Variants in PPME1 observed in about 807,000 individuals in gnomAD.
PPME1 encodes the protein protein phosphatase methylesterase 1.
A neutral mutation model predicts 56.9 loss-of-function variants in PPME1; 17 were observed. That is an observed-to-expected ratio of 0.30 (90% CI 0.20 to 0.45). The LOEUF is 0.45. PPME1 is among the 20% of genes least tolerant of loss of function. The pLI, the probability that PPME1 is intolerant of heterozygous loss-of-function variation, is 1.00. For missense variants in PPME1, 357 were observed against 483.2 expected, an observed-to-expected ratio of 0.74 and a Z score of 2.45; for synonymous variants, 122 against 156.2, an observed-to-expected ratio of 0.78 and a Z score of 1.63.
intron 9 of PPME1, among the ~76,000 whole-genome samples, chr11:74,239,717 C>T (rs112222787): frequency 4.6e-5 from 7 of 152,076 alleles, no homozygotes; most frequent in African/African-American, 1.7e-4. Flanking sequence ...GCTGGGACTA[C>T]AGGCGCCCGC....
At chr11:74,210,940 A>G (rs1461038166) in intron 3 of PPME1, among the ~76,000 whole-genome samples, 3 of 152,254 alleles carry the variant, frequency 2.0e-5, no homozygotes, top group Admixed American at 6.5e-5. Context: ...AAAAGTAGCT[A>G]GAACAATTAT....
intron 5 of PPME1, among the ~76,000 whole-genome samples, chr11:74,226,094 A>G (rs2135655325): frequency 6.6e-6 from 1 of 152,126 alleles, no homozygotes; most frequent in East Asian, 1.9e-4. Context: ...TAATATTATT[A>G]TTTTTTCACT....
intron 7 of PPME1, among the ~76,000 whole-genome samples, chr11:74,233,663 A>AT (rs930793423): frequency 2.6e-5 from 4 of 151,978 alleles, no homozygotes; most frequent in African/African-American, 9.7e-5. Flanking sequence ...AAATATATAT[A>AT]TTTTTTTAAT....
At chr11:74,209,450 T>A (rs1219402200) in intron 3 of PPME1, among the ~76,000 whole-genome samples, 1 of 152,150 alleles carries the variant, frequency 6.6e-6, no homozygotes, top group Non-Finnish European at 1.5e-5. Flanking sequence ...ACATCCACAT[T>A]AAGCATATTT....
intron 11 of PPME1, chr11:74,248,428 G>C (rs540595677): frequency 6.6e-6 from 1 of 152,230 alleles, no homozygotes; most frequent in African/African-American, 2.4e-5. Context: ...CTCTCAAACT[G>C]TTCTTTTAGC....
chr11:74,217,190 A>T (rs910482861), intron 3 of PPME1, among the ~76,000 whole-genome samples: 1 of 152,200 alleles, frequency 6.6e-6, no homozygotes, highest in Admixed American at 6.6e-5. Flanking sequence ...TCCCTGATGA[A>T]CATTGATGCA....
rs1390439022 is a variant in PPME1, at chr11:74,222,178, A to G, written c.289-134A>G. 5 of 681,404 alleles carry G rather than the reference A, an allele frequency of 7.3e-6. No individual in the cohort carries two copies. In the East Asian group the frequency reaches 1.4e-4, roughly 19 times the overall value. 42.2% of individuals were successfully genotyped at this position (681,404 alleles called of 1,614,324 possible). ...AAATCATCATTCTTTCATTTTGCTT[A>G]AAACTAGAAAGTCTTTTGATTCTCT... On this transcript the variant is annotated intron_variant, in intron 3 of 13. Transcript: ENST00000328257.
intron 12 of PPME1, chr11:74,251,221 T>G: frequency 7.1e-7 from 1 of 1,409,832 alleles, no homozygotes; most frequent in East Asian, 2.5e-5. Context: ...GAGGAGCTAC[T>G]GACACTCTGC....
intron 5 of PPME1, among the ~76,000 whole-genome samples, chr11:74,228,797 A>G (rs1476235598): frequency 6.6e-6 from 1 of 152,206 alleles, no homozygotes; most frequent in Non-Finnish European, 1.5e-5. Context: ...TTAGAGCACA[A>G]CTGAAAAAGA....
chr11:74,188,081 A>G (rs552926139), intron 1 of PPME1, among the ~76,000 whole-genome samples: 3 of 152,264 alleles, frequency 2.0e-5, no homozygotes, highest in Admixed American at 6.5e-5. Flanking sequence ...AGACCTCTCA[A>G]TCTGGGCACT....
chr11:74,202,611 C>T (rs1453335390), intron 1 of PPME1, among the ~76,000 whole-genome samples: 3 of 152,082 alleles, frequency 2.0e-5, no homozygotes, highest in African/African-American at 7.2e-5. Context: ...TTCTGAATTT[C>T]CTCCATTACT....
chr11:74,192,542 A>G (rs894162785), intron 1 of PPME1, among the ~76,000 whole-genome samples: 1 of 152,080 alleles, frequency 6.6e-6, no homozygotes, highest in African/African-American at 2.4e-5. Flanking sequence ...CCAGGGGCAG[A>G]ATGATATGGT....
intron 1 of PPME1, among the ~76,000 whole-genome samples, chr11:74,185,189 G>C (rs547534680): frequency 5.7e-4 from 87 of 151,788 alleles, no homozygotes; most frequent in African/African-American, 2.0e-3. Flanking sequence ...TAGTAGAGAT[G>C]GGGTTTCACC....
At chr11:74,216,241 G>A (rs1858638738) in intron 3 of PPME1, among the ~76,000 whole-genome samples, 2 of 152,106 alleles carry the variant, frequency 1.3e-5, no homozygotes, top group Admixed American at 1.3e-4. Flanking sequence ...ACCATGTTAG[G>A]TCACAAAACA....
intron 7 of PPME1, among the ~76,000 whole-genome samples, chr11:74,232,709 T>C (rs1193696996): frequency 6.7e-6 from 1 of 148,876 alleles, no homozygotes; most frequent in Non-Finnish European, 1.5e-5. Flanking sequence ...AGGGTGTCAC[T>C]CTGTTGCCCA....
At chr11:74,220,832 A>G (rs1236779744) in intron 3 of PPME1, among the ~76,000 whole-genome samples, 2 of 152,184 alleles carry the variant, frequency 1.3e-5, no homozygotes, top group Non-Finnish European at 2.9e-5. Context: ...GCAAAGTTGT[A>G]CTATTTGTGA....
intron 1 of PPME1, among the ~76,000 whole-genome samples, chr11:74,187,433 T>G (rs1459755840): frequency 6.6e-6 from 1 of 152,248 alleles, no homozygotes; most frequent in African/African-American, 2.4e-5. Flanking sequence ...TACATAGTTT[T>G]CAGTGTTTAA....
At chr11:74,174,492 A>G (rs1236062281) in intron 1 of PPME1, among the ~76,000 whole-genome samples, 1 of 152,012 alleles carries the variant, frequency 6.6e-6, no homozygotes, top group Non-Finnish European at 1.5e-5. Context: ...CTTCCACTCT[A>G]TCTATGTTAC....
intron 1 of PPME1, among the ~76,000 whole-genome samples, chr11:74,185,887 G>A (rs1157952013): frequency 3.3e-5 from 5 of 152,154 alleles, no homozygotes; most frequent in Non-Finnish European, 7.3e-5. Flanking sequence ...GACTCAGCAG[G>A]TTGGAAGTTC....
Sources: gnomAD v4.1 joint callset for allele counts (sites outside exome capture counted in the v4.1 genomes callset) on GRCh38, gnomAD v4.1.1 for gene constraint, MANE v1.5 for transcripts, NCBI Gene and HGNC (gene_info 2026-07-23, HGNC 2026-07-21) for gene names.